SLC35F4: variants seen among roughly 807,000 people sequenced by gnomAD.
SLC35F4 encodes the protein chromosome 14 open reading frame 36.
SLC35F4 carries 24 observed loss-of-function variants against 44.2 expected under a neutral mutation model. That is an observed-to-expected ratio of 0.54 (90% CI 0.39 to 0.76). The LOEUF is 0.76. Among genes scored for constraint, SLC35F4 ranks in the 30% least tolerant of loss-of-function variants. The pLI is 0.00. For synonymous variants in SLC35F4, 238 were observed against 223.6 expected, an observed-to-expected ratio of 1.06 and a Z score of -0.57; for missense variants, 562 against 586.1, an observed-to-expected ratio of 0.96 and a Z score of 0.42.
intron 1 of SLC35F4, among the ~76,000 whole-genome samples, chr14:57,879,185 T>G (rs1385711284): frequency 6.6e-6 from 1 of 151,938 alleles, no homozygotes; most frequent in Non-Finnish European, 1.5e-5. Context: ...TTCCAAGGAG[T>G]TTTGCAAGGT....
intron 1 of SLC35F4, among the ~76,000 whole-genome samples, chr14:57,883,053 GGGAGGA>G (rs1165789456): frequency 6.6e-6 from 1 of 151,564 alleles, no homozygotes; most frequent in Non-Finnish European, 1.5e-5. Context: ...AGAAGGGGAG[GGGAGGA>G]GGAGGAGGAC....
intron 2 of SLC35F4, among the ~76,000 whole-genome samples, chr14:57,589,740 A>G (rs2070035344): frequency 2.0e-5 from 3 of 152,242 alleles, no homozygotes; most frequent in Admixed American, 1.3e-4. Context: ...GATCCAGTCC[A>G]TGAGGTTGCT....
chr14:57,797,115 G>A (rs563023333), intron 1 of SLC35F4, among the ~76,000 whole-genome samples: 44 of 152,250 alleles, frequency 2.9e-4, no homozygotes, highest in African/African-American at 1.0e-3. Flanking sequence ...GCAACTTCCA[G>A]GATTCATAAA....
At chr14:57,570,895 G>A (rs1004633004) in intron 5 of SLC35F4, among the ~76,000 whole-genome samples, 2 of 152,044 alleles carry the variant, frequency 1.3e-5, no homozygotes, top group Non-Finnish European at 2.9e-5. Context: ...GCACGTGGTA[G>A]TCTTTGGTCA....
intron 1 of SLC35F4, among the ~76,000 whole-genome samples, chr14:57,682,214 T>G (rs2074928038): frequency 6.6e-6 from 1 of 152,218 alleles, no homozygotes; most frequent in African/African-American, 2.4e-5. Flanking sequence ...ATTGTGGCAC[T>G]GTTCACAATA....
At chr14:57,669,222 G>T (rs1486721979) in intron 1 of SLC35F4, among the ~76,000 whole-genome samples, 1 of 151,922 alleles carries the variant, frequency 6.6e-6, no homozygotes, top group African/African-American at 2.4e-5. Context: ...AGCTTAAGGA[G>T]ATTTTGGGCT....
chr14:57,936,796 G>T (rs930689866), intron 1 of SLC35F4, among the ~76,000 whole-genome samples: 2 of 152,154 alleles, frequency 1.3e-5, no homozygotes, highest in African/African-American at 2.4e-5. Flanking sequence ...ATTCGGTTGA[G>T]CCTTAACAAA....
At chr14:57,954,744 A>G (rs1594650679) in intron 1 of SLC35F4, among the ~76,000 whole-genome samples, 1 of 152,150 alleles carries the variant, frequency 6.6e-6, no homozygotes, top group Non-Finnish European at 1.5e-5. Flanking sequence ...GAATCTCTGA[A>G]TAGACCAATA....
chr14:57,850,028 T>C (rs1473132103), intron 1 of SLC35F4, among the ~76,000 whole-genome samples: 6 of 152,228 alleles, frequency 3.9e-5, no homozygotes, highest in Admixed American at 3.9e-4. Context: ...CCATTTGCCA[T>C]AATTTAGATG....
At chr14:57,873,248 G>A (rs1888331642) in intron 1 of SLC35F4, among the ~76,000 whole-genome samples, 2 of 152,088 alleles carry the variant, frequency 1.3e-5, no homozygotes, top group African/African-American at 4.8e-5. Flanking sequence ...TATCTTGCTG[G>A]CACCTCTCCA....
chr14:57,771,410 G>T (rs1595015146), intron 1 of SLC35F4, among the ~76,000 whole-genome samples: 1 of 152,154 alleles, frequency 6.6e-6, no homozygotes. Flanking sequence ...CTGTGAAGCT[G>T]TAATCAAATT....
chr14:57,622,851 A>T (rs1235476402), intron 1 of SLC35F4, among the ~76,000 whole-genome samples: 1 of 151,776 alleles, frequency 6.6e-6, no homozygotes. Context: ...AAAAAAATTA[A>T]AAAAACCCCA....
intron 1 of SLC35F4, among the ~76,000 whole-genome samples, chr14:57,606,183 A>T (rs138409211): frequency 6.6e-6 from 1 of 152,340 alleles, no homozygotes; most frequent in African/African-American, 2.4e-5. Context: ...TTGGCCTGAT[A>T]TAAGTCTATA....
intron 1 of SLC35F4, among the ~76,000 whole-genome samples, chr14:57,900,856 A>C (rs1015840529): frequency 1.3e-5 from 2 of 152,344 alleles, no homozygotes; most frequent in African/African-American, 4.8e-5. Context: ...AAAATGCACA[A>C]AGGACACGAA....
intron 1 of SLC35F4, among the ~76,000 whole-genome samples, chr14:57,968,125 A>T (rs1007500930): frequency 1.3e-5 from 2 of 152,194 alleles, no homozygotes; most frequent in Admixed American, 1.3e-4. Context: ...CCTCAGGATG[A>T]TTTACTTCTG....
At chr14:57,600,431 G>A (rs1427423658) in intron 1 of SLC35F4, among the ~76,000 whole-genome samples, 5 of 151,676 alleles carry the variant, frequency 3.3e-5, no homozygotes, top group Admixed American at 2.0e-4. Context: ...GGTGGCTCAC[G>A]CCTGTAATCC....
chr14:57,844,460 C>T (rs930216285), intron 1 of SLC35F4, among the ~76,000 whole-genome samples: 2 of 152,042 alleles, frequency 1.3e-5, no homozygotes, highest in South Asian at 2.1e-4. Flanking sequence ...TAAATCATAG[C>T]GAGAGAAATT....
chr14:57,566,722 C>A (rs1022938954), intron 6 of SLC35F4, among the ~76,000 whole-genome samples, 158 bp from the exon 7 acceptor site: 1 of 152,200 alleles, frequency 6.6e-6, no homozygotes, highest in Admixed American at 6.5e-5. Flanking sequence ...GTGTATTCTA[C>A]CTGAATTAGT....
intron 1 of SLC35F4, among the ~76,000 whole-genome samples, chr14:57,816,265 G>A (rs573953344): frequency 1.2e-4 from 19 of 152,188 alleles, no homozygotes; most frequent in African/African-American, 3.9e-4. Flanking sequence ...ATTAAACAGA[G>A]CCAAATGGCT....
Sources: gnomAD v4.1 joint callset for allele counts (sites outside exome capture counted in the v4.1 genomes callset) on GRCh38, gnomAD v4.1.1 for gene constraint, MANE v1.5 for transcripts, NCBI Gene and HGNC (gene_info 2026-07-23, HGNC 2026-07-21) for gene names.